CHRM5: variants seen among roughly 807,000 people sequenced by gnomAD.
CHRM5 encodes the protein cholinergic receptor muscarinic 5.
Under a neutral mutation model 39.0 loss-of-function variants are expected in CHRM5, and 18 were observed. The observed-to-expected ratio is 0.46, with a 90% CI of 0.32 to 0.68. The LOEUF is 0.68. Among genes scored for constraint, CHRM5 ranks in the 30% least tolerant of loss-of-function variants. The pLI, the probability that CHRM5 is intolerant of heterozygous loss-of-function variation, is 0.04. For synonymous variants in CHRM5, 241 were observed against 246.3 expected, an observed-to-expected ratio of 0.98 and a Z score of 0.20; for missense variants, 515 against 651.1, an observed-to-expected ratio of 0.79 and a Z score of 2.28.
intron 1 of CHRM5, among the ~76,000 whole-genome samples, chr15:33,975,043 A>G (rs1895825060): frequency 6.6e-6 from 1 of 152,170 alleles, no homozygotes. Flanking sequence ...TCCTTCTTTC[A>G]AACACCATCT....
intron 1 of CHRM5, among the ~76,000 whole-genome samples, chr15:33,994,141 G>A (rs1742611665): frequency 6.6e-6 from 1 of 152,174 alleles, no homozygotes; most frequent in African/African-American, 2.4e-5. Flanking sequence ...GGTGAGTGGT[G>A]GGCAAGTGAG....
chr15:33,995,230 C>T (rs925225966), intron 1 of CHRM5, among the ~76,000 whole-genome samples: 1 of 152,094 alleles, frequency 6.6e-6, no homozygotes, highest in Admixed American at 6.6e-5. Context: ...TGCCACTGCA[C>T]TCCAGCCTGG....
At chr15:34,006,097 G>C (rs1897326461) in intron 1 of CHRM5, among the ~76,000 whole-genome samples, 1 of 152,184 alleles carries the variant, frequency 6.6e-6, no homozygotes, top group Admixed American at 6.5e-5. Context: ...AGATCACAAG[G>C]TGAGGAGATC....
intron 1 of CHRM5, among the ~76,000 whole-genome samples, chr15:34,036,176 T>G (rs1203503792): frequency 2.6e-5 from 4 of 152,094 alleles, no homozygotes; most frequent in Non-Finnish European, 5.9e-5. Flanking sequence ...AAGATAATTA[T>G]GCTCACCCAT....
chr15:34,020,700 T>C (rs1898164843), intron 1 of CHRM5, among the ~76,000 whole-genome samples: 1 of 152,212 alleles, frequency 6.6e-6, no homozygotes, highest in Non-Finnish European at 1.5e-5. Flanking sequence ...TTCAAGCCCC[T>C]TGACTGAATT....
intron 1 of CHRM5, among the ~76,000 whole-genome samples, chr15:34,028,373 T>C (rs1219674898): frequency 6.6e-6 from 1 of 152,122 alleles, no homozygotes; most frequent in Non-Finnish European, 1.5e-5. Context: ...GAGAGCAGCC[T>C]GTGCAACCTG....
At chr15:34,017,076 G>A (rs1044178816) in intron 1 of CHRM5, among the ~76,000 whole-genome samples, 2 of 151,974 alleles carry the variant, frequency 1.3e-5, no homozygotes, top group African/African-American at 4.8e-5. Context: ...AGGCTGTAAT[G>A]AGCTGTGATT....
intron 1 of CHRM5, among the ~76,000 whole-genome samples, chr15:34,042,251 A>G (rs780658081): frequency 2.0e-5 from 3 of 152,208 alleles, no homozygotes; most frequent in African/African-American, 4.8e-5. Flanking sequence ...AACATATGCC[A>G]TTGCATGAAT....
chr15:34,030,489 C>G (rs1360551177), intron 1 of CHRM5, among the ~76,000 whole-genome samples: 5 of 151,928 alleles, frequency 3.3e-5, no homozygotes, highest in Admixed American at 1.3e-4. Context: ...GGGACTACAG[C>G]TGCCTGCCAC....
At chr15:34,054,960 A>G (rs1291676694) in intron 2 of CHRM5, among the ~76,000 whole-genome samples, 1 of 152,228 alleles carries the variant, frequency 6.6e-6, no homozygotes, top group East Asian at 1.9e-4. Flanking sequence ...TGGGAGGCCA[A>G]GGCAGGCAGA....
chr15:34,047,454 A>T (rs550655515), intron 2 of CHRM5, among the ~76,000 whole-genome samples: 2 of 152,306 alleles, frequency 1.3e-5, no homozygotes, highest in South Asian at 2.1e-4. Context: ...ACCCCTAGGA[A>T]GAGGGCTGAA....
intron 1 of CHRM5, among the ~76,000 whole-genome samples, chr15:34,014,477 A>C (rs1393149835): frequency 1.3e-5 from 2 of 152,014 alleles, no homozygotes; most frequent in Non-Finnish European, 2.9e-5. Flanking sequence ...ACAAAGAGCA[A>C]CTAGGGTAAC....
chr15:34,052,561 T>C (rs867695271), intron 2 of CHRM5, among the ~76,000 whole-genome samples: 14 of 152,224 alleles, frequency 9.2e-5, no homozygotes, highest in Non-Finnish European at 1.8e-4. Context: ...CAAATTATCT[T>C]TGTTTGCAGA....
chr15:34,003,350 A>C (rs1371629016), intron 1 of CHRM5: 1 of 732,142 alleles, frequency 1.4e-6, no homozygotes, highest in Non-Finnish European at 2.2e-6. Context: ...ATATTATTTT[A>C]AGAGAATCAC....
chr15:33,986,134 T>A (rs184471356), intron 1 of CHRM5, among the ~76,000 whole-genome samples: 236 of 151,734 alleles, frequency 1.6e-3, no homozygotes, highest in African/African-American at 5.3e-3. Flanking sequence ...TGAGATGGAC[T>A]CTCGCTCTGT....
At chr15:34,025,712 G>A (rs1054330529) in intron 1 of CHRM5, among the ~76,000 whole-genome samples, 5 of 151,708 alleles carry the variant, frequency 3.3e-5, no homozygotes, top group African/African-American at 1.2e-4. Context: ...AGGTTCAGAA[G>A]AAAAAAAAAT....
At chr15:33,983,534 C>T (rs1896283110) in intron 1 of CHRM5, among the ~76,000 whole-genome samples, 1 of 152,016 alleles carries the variant, frequency 6.6e-6, no homozygotes, top group East Asian at 1.9e-4. Context: ...TTGTCCAAGG[C>T]AATTCTTGGC....
chr15:34,060,257 G>A (rs1900290747), intron 2 of CHRM5, among the ~76,000 whole-genome samples: 1 of 152,166 alleles, frequency 6.6e-6, no homozygotes, highest in Admixed American at 6.5e-5. Flanking sequence ...AATGGAGAGG[G>A]ACCAAAAAGA....
At chr15:33,999,162 C>G (rs1445659605) in intron 1 of CHRM5, among the ~76,000 whole-genome samples, 1 of 152,190 alleles carries the variant, frequency 6.6e-6, no homozygotes, top group Non-Finnish European at 1.5e-5. Flanking sequence ...CTTATGGAAG[C>G]CTTGGCAGAG....
Sources: allele counts gnomAD v4.1 joint callset (sites outside exome capture counted in the v4.1 genomes callset), GRCh38; gene constraint gnomAD v4.1.1; transcripts MANE v1.5; gene names NCBI Gene and HGNC (gene_info 2026-07-23, HGNC 2026-07-21).